Variants in NFATC2 observed in about 807,000 individuals in gnomAD.
NFATC2 encodes nuclear factor of activated T-cells, cytoplasmic 2.
Under a neutral mutation model 87.3 loss-of-function variants are expected in NFATC2, and 22 were observed. That is an observed-to-expected ratio of 0.25 (90% CI 0.18 to 0.36). The LOEUF is 0.36. Among genes scored for constraint, NFATC2 ranks in the 10% least tolerant of loss-of-function variants. NFATC2 has a pLI of 1.00. For missense variants in NFATC2, 1,149 were observed against 1,259.1 expected, an observed-to-expected ratio of 0.91 and a Z score of 1.32; for synonymous variants, 565 against 542.2, an observed-to-expected ratio of 1.04 and a Z score of -0.58.
intron 3 of NFATC2, 82 bp from the exon 4 acceptor site, chr20:51,475,742 A>C: frequency 3.7e-6 from 5 of 1,365,330 alleles, no homozygotes; most frequent in South Asian, 1.3e-5. Flanking sequence ...CAGAGAGCTC[A>C]TGGGCAGTAG....
intron 4 of NFATC2, among the ~76,000 whole-genome samples, chr20:51,474,967 A>ATTTTTTT (rs201111632): frequency 7.1e-6 from 1 of 141,412 alleles, no homozygotes; most frequent in African/African-American, 2.7e-5. Context: ...ATTATACTTT[A>ATTTTTTT]TTTATTTTTT....
intron 9 of NFATC2, among the ~76,000 whole-genome samples, chr20:51,404,270 C>T (rs1374218400): frequency 6.6e-6 from 1 of 152,210 alleles, no homozygotes; most frequent in Non-Finnish European, 1.5e-5. Flanking sequence ...GTCCAAATCC[C>T]AGCTCTGCCA....
intron 6 of NFATC2, among the ~76,000 whole-genome samples, chr20:51,440,145 G>A (rs989468428): frequency 8.1e-5 from 12 of 148,102 alleles, no homozygotes; most frequent in African/African-American, 3.0e-4. Flanking sequence ...GCTGAGGCAG[G>A]AGGATCTCTT....
intron 9 of NFATC2, among the ~76,000 whole-genome samples, chr20:51,404,878 G>C (rs984889348): frequency 1.3e-5 from 2 of 152,200 alleles, no homozygotes; most frequent in Non-Finnish European, 2.9e-5. Context: ...CCGGAAACCA[G>C]CCCAGACAGC....
At chr20:51,437,136 G>T in intron 6 of NFATC2, among the ~76,000 whole-genome samples, 1 of 147,578 alleles carries the variant, frequency 6.8e-6, no homozygotes, top group African/African-American at 2.5e-5. Flanking sequence ...AAAAAACCCT[G>T]CATTTGCAAA....
intron 1 of NFATC2, among the ~76,000 whole-genome samples, chr20:51,532,736 T>G (rs934379986): frequency 3.3e-5 from 5 of 152,186 alleles, no homozygotes; most frequent in Non-Finnish European, 7.3e-5. Context: ...GAGAACATCT[T>G]CTCTGCCTAG....
intron 9 of NFATC2, among the ~76,000 whole-genome samples, chr20:51,418,607 A>G (rs1333835826): frequency 6.7e-6 from 1 of 150,294 alleles, no homozygotes; most frequent in Admixed American, 6.6e-5. Context: ...ATAACTGGAC[A>G]TTTAAGGCCT....
chr20:51,525,628 T>C (rs560034841), intron 1 of NFATC2, among the ~76,000 whole-genome samples: 1 of 151,556 alleles, frequency 6.6e-6, no homozygotes, highest in Non-Finnish European at 1.5e-5. Context: ...CTTACTCTGA[T>C]GCCTCACATC....
At chr20:51,505,921 C>T (rs960046543) in intron 3 of NFATC2, among the ~76,000 whole-genome samples, 2 of 152,170 alleles carry the variant, frequency 1.3e-5, no homozygotes, top group South Asian at 2.1e-4. Context: ...AATCCTAACA[C>T]GATGGTTCAG....
intron 6 of NFATC2, among the ~76,000 whole-genome samples, chr20:51,452,231 C>T (rs1227381550): frequency 6.6e-6 from 1 of 152,120 alleles, no homozygotes; most frequent in Non-Finnish European, 1.5e-5. Flanking sequence ...AGGCTGACCT[C>T]GGGCTCTGTG....
intron 3 of NFATC2, among the ~76,000 whole-genome samples, chr20:51,498,950 C>T (rs1029263674): frequency 6.6e-6 from 1 of 152,064 alleles, no homozygotes; most frequent in African/African-American, 2.4e-5. Context: ...GTGAAAGGCA[C>T]GTGCAAAGGC....
rs1176151497 is a variant in NFATC2 at position 51,480,212 on chromosome 20, C to T, written c.1333-4552G>A. Among the ~76,000 whole-genome samples the T allele has an allele frequency of 2.0e-5, 3 of 151,980 alleles. No homozygotes were observed. The highest frequency in any genetic ancestry group is 1.3e-4 in the Admixed American group (2 of 15,260). ...CCAAGGCAGGAGAATCACTTGAACCCGGGGGTTGGAGGTGGCAGTGAGCCG... is the reference window on the plus strand; with the variant it reads ...CCAAGGCAGGAGAATCACTTGAACCTGGGGGTTGGAGGTGGCAGTGAGCCG... On this transcript the variant is annotated intron_variant, in intron 3 of 10. Coordinates refer to ENST00000371564, the MANE Select transcript of NFATC2 (RefSeq NM_012340.5). This position sits in a 1 kb window ranked among gnomAD's most constrained non-coding sequence, Gnocchi z 4.2.
In NFATC2 at chr20:51,432,804, G is replaced by A. The variant is rs1356186582; in HGVS notation, c.2033-48C>T. On this transcript the variant is annotated intron_variant, in intron 8 of 10. Coordinates refer to ENST00000371564, the MANE Select transcript of NFATC2 (RefSeq NM_012340.5). The surrounding 1 kb of genome is among the most constrained non-coding windows in gnomAD (Gnocchi z 4.6). The stretch of plus-strand genomic sequence containing the variant: ...AGGGGCGCCCATGGCAGTGAGCCAC[G>A]GATGTGCACGGAGGATTCGTGGATG... 10 of 1,470,226 alleles carry A rather than the reference G, an allele frequency of 6.8e-6. No homozygotes were observed. Among genetic ancestry groups the A allele is most frequent in the African/African-American group, 5.7e-5 (4 of 70,778 alleles). The allele number at this position is 1,470,226 out of a possible 1,614,324, so 91.1% of individuals were successfully genotyped here. A position where few individuals can be genotyped will look rare whatever the true frequency, so the allele number is the denominator to read the frequency against.
chr20:51,433,085 C>T lies in NFATC2; in HGVS notation c.2033-329G>A, dbSNP rs62227358. On this transcript the variant is annotated intron_variant, in intron 8 of 10. Coordinates refer to ENST00000371564, the MANE Select transcript of NFATC2 (RefSeq NM_012340.5). Reference sequence around the variant, plus strand: ...GAGAATGCTTGATTTCAGATGATGCCTCCCCCTCTTTCTATCCCAGCAGCT... The same window carrying T: ...GAGAATGCTTGATTTCAGATGATGCTTCCCCCTCTTTCTATCCCAGCAGCT... Among the ~76,000 whole-genome samples the T allele has an allele frequency of 5.0e-3, 755 of 152,182 alleles. 4 individuals carry two copies. The highest frequency in any genetic ancestry group is 7.5e-3 in the Non-Finnish European group (510 of 67,992).
chr20:51,424,624 C>T (rs149815821), intron 9 of NFATC2, among the ~76,000 whole-genome samples: 53 of 152,280 alleles, frequency 3.5e-4, no homozygotes, highest in African/African-American at 1.1e-3. Flanking sequence ...CTTTGCCAGA[C>T]AAATCCTAGA....
intron 6 of NFATC2, among the ~76,000 whole-genome samples, chr20:51,446,884 A>G (rs1985131782): frequency 6.6e-6 from 1 of 152,154 alleles, no homozygotes; most frequent in Admixed American, 6.5e-5. Context: ...AGCCTTAGTC[A>G]TGCCCCAGCC....
chr20:51,497,292 T>C (rs367657917), intron 3 of NFATC2, among the ~76,000 whole-genome samples: 16 of 152,176 alleles, frequency 1.1e-4, no homozygotes, highest in East Asian at 5.8e-4. Flanking sequence ...CCAATCATTC[T>C]TCTCCCTCCC....
At chr20:51,511,734 G>GT (rs1283990316) in intron 3 of NFATC2, among the ~76,000 whole-genome samples, 1 of 152,028 alleles carries the variant, frequency 6.6e-6, no homozygotes, top group African/African-American at 2.4e-5. Flanking sequence ...CTTTCCCCTG[G>GT]TACTGCCACA....
At chr20:51,450,400 T>A (rs1316330915) in intron 6 of NFATC2, among the ~76,000 whole-genome samples, 1 of 152,110 alleles carries the variant, frequency 6.6e-6, no homozygotes, top group East Asian at 1.9e-4. Context: ...ACGCCTGTAA[T>A]CCCAAATAGG....
Sources: gnomAD v4.1 joint callset for allele counts (sites outside exome capture counted in the v4.1 genomes callset) on GRCh38, gnomAD v4.1.1 for gene constraint, Gnocchi (gnomAD v3.1) non-coding constraint, MANE v1.5 for transcripts, NCBI Gene and HGNC (gene_info 2026-07-23, HGNC 2026-07-21) for gene names.